The following GFOD1 variants were observed in gnomAD, a reference collection of about 807,000 sequenced individuals.
GFOD1 encodes glucose-fructose oxidoreductase domain-containing protein 1.
A neutral mutation model predicts 25.4 loss-of-function variants in GFOD1; 9 were observed. The ratio of observed to expected loss-of-function variants is 0.35; its 90% confidence interval spans 0.21 to 0.62. The LOEUF (loss-of-function observed/expected upper bound fraction) is 0.62. Among genes scored for constraint, GFOD1 ranks in the 20% least tolerant of loss-of-function variants. The probability of loss-of-function intolerance (pLI) is 0.72; values close to 1 mark genes in which losing one functional copy is unlikely to be tolerated. For synonymous variants in GFOD1, 253 were observed against 245.6 expected, an observed-to-expected ratio of 1.03 and a Z score of -0.28; for missense variants, 403 against 556.9, an observed-to-expected ratio of 0.72 and a Z score of 2.78.
chr6:13,447,365 A>G (rs915366442), intron 1 of GFOD1, among the ~76,000 whole-genome samples: 5 of 152,130 alleles, frequency 3.3e-5, no homozygotes, highest in African/African-American at 1.2e-4. Context: ...CCCCCTTTTT[A>G]TAAGAACATC....
chr6:13,427,737 G>C (rs1757666431), intron 1 of GFOD1, among the ~76,000 whole-genome samples: 1 of 152,200 alleles, frequency 6.6e-6, no homozygotes, highest in Non-Finnish European at 1.5e-5. Context: ...TCACAAATGT[G>C]ATTATCCCAT....
intron 1 of GFOD1, among the ~76,000 whole-genome samples, chr6:13,381,826 C>T (rs553671): frequency 0.42 from 63,659 of 150,606 alleles, 16,464 homozygotes; most frequent in East Asian, 0.67. Context: ...TCATGAACAC[C>T]TCCTCCTGAG....
chr6:13,438,967 A>G (rs1479725135), intron 1 of GFOD1, among the ~76,000 whole-genome samples: 1 of 152,238 alleles, frequency 6.6e-6, no homozygotes, highest in African/African-American at 2.4e-5. Flanking sequence ...ATATCCTATA[A>G]GTAGACATGA....
intron 1 of GFOD1, among the ~76,000 whole-genome samples, chr6:13,479,261 T>C (rs995646860): frequency 6.6e-6 from 1 of 152,178 alleles, no homozygotes; most frequent in African/African-American, 2.4e-5. Flanking sequence ...TTATTGAGCT[T>C]GATGCAGAGA....
intron 1 of GFOD1, among the ~76,000 whole-genome samples, chr6:13,407,447 G>T (rs1785967605): frequency 6.6e-6 from 1 of 152,016 alleles, no homozygotes; most frequent in African/African-American, 2.4e-5. Flanking sequence ...GCCTTTCTTT[G>T]TCCCCATTTT....
At chr6:13,472,545 AC>A (rs1758532577) in intron 1 of GFOD1, among the ~76,000 whole-genome samples, 1 of 152,174 alleles carries the variant, frequency 6.6e-6, no homozygotes, top group Non-Finnish European at 1.5e-5. Context: ...AGATAAAGAA[AC>A]TGGGGCTTCA....
At chr6:13,437,163 A>T (rs1460634733) in intron 1 of GFOD1, among the ~76,000 whole-genome samples, 1 of 152,114 alleles carries the variant, frequency 6.6e-6, no homozygotes, top group Non-Finnish European at 1.5e-5. Context: ...TCTACCCTCA[A>T]AGCCTCTCCC....
intron 1 of GFOD1, chr6:13,486,247 T>TC (rs373896526): frequency 0.038 from 4,428 of 117,906 alleles, 68 homozygotes; most frequent in African/African-American, 0.056. Context: ...CACCCCCCCA[T>TC]CCCCCCCCCC....
At chr6:13,465,185 T>C (rs1269644841) in intron 1 of GFOD1, among the ~76,000 whole-genome samples, 1 of 151,056 alleles carries the variant, frequency 6.6e-6, no homozygotes, top group Non-Finnish European at 1.5e-5. Context: ...AAGAATTGTC[T>C]TGGGCCACAT....
intron 1 of GFOD1, among the ~76,000 whole-genome samples, chr6:13,409,374 AGG>A (rs1786029506): frequency 6.6e-6 from 1 of 150,806 alleles, no homozygotes; most frequent in Admixed American, 6.6e-5. Flanking sequence ...AGAGGAAGGA[AGG>A]AAGGAAGGAA....
At chr6:13,439,715 C>T (rs1757885387) in intron 1 of GFOD1, among the ~76,000 whole-genome samples, 1 of 152,084 alleles carries the variant, frequency 6.6e-6, no homozygotes, top group Non-Finnish European at 1.5e-5. Context: ...TAATACTATC[C>T]CCAATTTCTA....
At chr6:13,402,781 A>C (rs552480944) in intron 1 of GFOD1, among the ~76,000 whole-genome samples, 19 of 152,312 alleles carry the variant, frequency 1.2e-4, no homozygotes, top group African/African-American at 3.6e-4. Flanking sequence ...ACTCCTCAAA[A>C]AGTTAATCAT....
intron 1 of GFOD1, among the ~76,000 whole-genome samples, chr6:13,387,452 G>C (rs900756917): frequency 6.6e-6 from 1 of 152,282 alleles, no homozygotes; most frequent in South Asian, 2.1e-4. Flanking sequence ...CGGATGCAAG[G>C]CTGGTTCAAC....
intron 1 of GFOD1, among the ~76,000 whole-genome samples, chr6:13,477,497 A>T (rs2127578866): frequency 6.6e-6 from 1 of 151,722 alleles, no homozygotes; most frequent in African/African-American, 2.4e-5. Context: ...GTCTCGTGGC[A>T]CTCCTGTGAC....
intron 1 of GFOD1, among the ~76,000 whole-genome samples, chr6:13,411,129 A>T (rs1376959216): frequency 1.3e-5 from 2 of 152,202 alleles, no homozygotes; most frequent in Non-Finnish European, 2.9e-5. Context: ...GGTGAAAAAC[A>T]GAAGGAAGAC....
intron 1 of GFOD1, among the ~76,000 whole-genome samples, chr6:13,392,303 C>T (rs1785628839): frequency 7.0e-6 from 1 of 142,024 alleles, no homozygotes; most frequent in Non-Finnish European, 1.5e-5. Flanking sequence ...GCAGAGGTTG[C>T]ACTGCATGCC....
intron 1 of GFOD1, among the ~76,000 whole-genome samples, chr6:13,377,078 A>C (rs895592142): frequency 6.6e-6 from 1 of 152,084 alleles, no homozygotes; most frequent in Admixed American, 6.6e-5. Flanking sequence ...TGGTCTCAAA[A>C]AATGCAAAAA....
intron 1 of GFOD1, among the ~76,000 whole-genome samples, chr6:13,390,808 G>GAAGA (rs1254536760): frequency 4.6e-5 from 7 of 150,638 alleles, no homozygotes; most frequent in South Asian, 4.2e-4. Context: ...AGGAAGGAAG[G>GAAGA]AAGGAAGGAA....
At chr6:13,470,583 C>G in intron 1 of GFOD1, 1 of 1,506,946 alleles carries the variant, frequency 6.6e-7, no homozygotes, top group Non-Finnish European at 8.9e-7. Context: ...ATTTTTTTTT[C>G]CCCAGTATTT....
Sources: gnomAD v4.1 joint callset for allele counts (sites outside exome capture counted in the v4.1 genomes callset) on GRCh38, gnomAD v4.1.1 for gene constraint, MANE v1.5 for transcripts, NCBI Gene and HGNC (gene_info 2026-07-23, HGNC 2026-07-21) for gene names.